Variants in MCPH1 observed in about 807,000 individuals in gnomAD.
MCPH1 encodes the protein microcephalin 1.
In MCPH1, 104 loss-of-function variants were observed where a neutral mutation model predicts 84.5. The observed-to-expected ratio is 1.23, with a 90% CI of 1.05 to 1.45. MCPH1 has a LOEUF of 1.45. Ranked by LOEUF, MCPH1 falls within the 40% of genes most tolerant of loss-of-function variation. The pLI is 0.00. For synonymous variants in MCPH1, 514 were observed against 366.8 expected, an observed-to-expected ratio of 1.40 and a Z score of -4.58; for missense variants, 1,498 against 1,005.7, an observed-to-expected ratio of 1.49 and a Z score of -6.62.
intron 12 of MCPH1, among the ~76,000 whole-genome samples, chr8:6,571,756 C>T (rs1009677029): frequency 4.6e-5 from 7 of 152,008 alleles, no homozygotes; most frequent in African/African-American, 1.7e-4. Flanking sequence ...ATCCATCTGG[C>T]GGACTTAATA....
chr8:6,537,558 AT>A (rs1820733599), intron 12 of MCPH1, among the ~76,000 whole-genome samples: 1 of 151,426 alleles, frequency 6.6e-6, no homozygotes, highest in Non-Finnish European at 1.5e-5. Context: ...ATATATATAT[AT>A]ATGTTTACAT....
intron 12 of MCPH1, chr8:6,527,628 G>T: frequency 5.0e-6 from 8 of 1,613,968 alleles, no homozygotes; most frequent in Non-Finnish European, 6.8e-6. Flanking sequence ...TTTGTCGAGA[G>T]GGAGTGTTCC....
At chr8:6,577,349 T>C (rs1257032196) in intron 12 of MCPH1, among the ~76,000 whole-genome samples, 1 of 152,182 alleles carries the variant, frequency 6.6e-6, no homozygotes, top group Non-Finnish European at 1.5e-5. Flanking sequence ...ACTAGATGTA[T>C]AGGTCAGCAG....
At chr8:6,461,774 T>G (rs1269353971) in intron 9 of MCPH1, among the ~76,000 whole-genome samples, 1 of 152,192 alleles carries the variant, frequency 6.6e-6, no homozygotes, top group Non-Finnish European at 1.5e-5. Flanking sequence ...TATGACGAAT[T>G]TTGACCTGTT....
At chr8:6,513,558 C>G in intron 12 of MCPH1, 1 of 659,172 alleles carries the variant, frequency 1.5e-6, no homozygotes, top group Non-Finnish European at 2.4e-6. Flanking sequence ...TGGTCTCAAT[C>G]TCCTGACCTC....
At chr8:6,626,304 A>G in intron 13 of MCPH1, 24 of 985,204 alleles carry the variant, frequency 2.4e-5, no homozygotes, top group Non-Finnish European at 2.9e-5. Context: ...GGAGAATTTC[A>G]TCTGCGCCGC....
At chr8:6,418,167 A>C (rs1429431504) in intron 3 of MCPH1, among the ~76,000 whole-genome samples, 1 of 152,044 alleles carries the variant, frequency 6.6e-6, no homozygotes, top group African/African-American at 2.4e-5. Flanking sequence ...TAGTAGCCCT[A>C]GCTGCCCAGT....
At chr8:6,472,897 T>C (rs1167348828) in intron 9 of MCPH1, among the ~76,000 whole-genome samples, 1 of 152,254 alleles carries the variant, frequency 6.6e-6, no homozygotes, top group Non-Finnish European at 1.5e-5. Flanking sequence ...AATTTTTGAC[T>C]ACCTATTTAA....
At chr8:6,605,810 G>T (rs1047562731) in intron 12 of MCPH1, among the ~76,000 whole-genome samples, 1 of 152,122 alleles carries the variant, frequency 6.6e-6, no homozygotes, top group Non-Finnish European at 1.5e-5. Flanking sequence ...CAATTCTCGT[G>T]CCTCAGACTC....
At position 6,444,655 on chromosome 8, in the gene MCPH1, C is replaced by T; in HGVS notation, c.933C>T (p.Val311=). ...NLQRNIAGKV[V]TPDQKQAAGM... ...AAAGAAATATTGCAGGTAAAGTAGT[C>T]ACCCCTGACCAAAAGCAGGCTGCAG... The change falls in exon 8 of 14, where the codon GTC becomes GTT. Residue 311 remains valine (V), a synonymous_variant. Transcript: ENST00000344683. The T allele has an allele frequency of 6.2e-7, 1 of 1,614,078 alleles. No individual in the cohort carries two copies. Among genetic ancestry groups the T allele is most frequent in the Non-Finnish European group, 8.5e-7 (1 of 1,180,022 alleles).
rs150437434 is a variant in MCPH1, at chr8:6,484,400, C to T, written c.2136+3524C>T. Among the ~76,000 whole-genome samples the T allele has an allele frequency of 2.2e-3, 342 of 152,336 alleles. 2 individuals carry two copies. The highest frequency in any genetic ancestry group is 7.3e-3 in the African/African-American group (304 of 41,572). On this transcript the variant is annotated intron_variant, in intron 11 of 13. Coordinates refer to ENST00000344683, the MANE Select transcript of MCPH1 (RefSeq NM_024596.5). ...AGAAAAAATAACAGTCGCACTCTAG[C>T]AAGGAGCCAGGGCAGCTGGAACGGC...
At chr8:6,454,101 A>G (rs751736830) in intron 8 of MCPH1, among the ~76,000 whole-genome samples, 49 of 152,320 alleles carry the variant, frequency 3.2e-4, no homozygotes, top group Middle Eastern at 6.8e-3. Flanking sequence ...ATAGCATTTT[A>G]TCTGCAAAGA....
At chr8:6,468,848 G>GA (rs1483768468) in intron 9 of MCPH1, among the ~76,000 whole-genome samples, 4 of 151,892 alleles carry the variant, frequency 2.6e-5, no homozygotes, top group African/African-American at 9.7e-5. Context: ...CCACATAAGG[G>GA]AAAAAATATA....
chr8:6,439,560 T>G (rs1803197698), intron 6 of MCPH1, among the ~76,000 whole-genome samples: 1 of 151,770 alleles, frequency 6.6e-6, no homozygotes, highest in African/African-American at 2.4e-5. Context: ...AATTTTTTTT[T>G]GTTTTTTTGT....
At chr8:6,564,620 T>C (rs2515509) in intron 12 of MCPH1, among the ~76,000 whole-genome samples, 117,288 of 152,184 alleles carry the variant, frequency 0.77, 48,156 homozygotes, top group East Asian at 0.94. Flanking sequence ...TTATTCCCAG[T>C]GAGCGCTGAA....
chr8:6,483,148 A>G (rs1809441222), intron 11 of MCPH1, among the ~76,000 whole-genome samples: 1 of 152,210 alleles, frequency 6.6e-6, no homozygotes, highest in African/African-American at 2.4e-5. Flanking sequence ...TGTGCTGAAA[A>G]CTACAAAATA....
At chr8:6,519,979 G>A (rs1332062975) in intron 12 of MCPH1, 1 of 1,613,930 alleles carries the variant, frequency 6.2e-7, no homozygotes. Context: ...TTTAGCAACA[G>A]TGGGGTCCTT....
At chr8:6,554,256 A>T (rs1029675567) in intron 12 of MCPH1, among the ~76,000 whole-genome samples, 2 of 151,408 alleles carry the variant, frequency 1.3e-5, no homozygotes, top group Non-Finnish European at 2.9e-5. Flanking sequence ...TCTGGACTAA[A>T]TGTGACAAAA....
At chr8:6,621,794 C>A (rs962135320) in intron 13 of MCPH1, 103 bp downstream of exon 13, 7 of 1,503,398 alleles carry the variant, frequency 4.7e-6, no homozygotes, top group Non-Finnish European at 6.4e-6. Flanking sequence ...GCAGCTGGGG[C>A]ACCTGGGTTG....
Sources: allele counts gnomAD v4.1 joint callset (sites outside exome capture counted in the v4.1 genomes callset), GRCh38; gene constraint gnomAD v4.1.1; transcripts MANE v1.5; gene names NCBI Gene and HGNC (gene_info 2026-07-23, HGNC 2026-07-21).